ATP8A2: variants seen among roughly 807,000 people sequenced by gnomAD.
ATP8A2 encodes ATPase phospholipid transporting 8A2.
ATP8A2 carries 100 observed loss-of-function variants against 165.6 expected under a neutral mutation model. The ratio of observed to expected loss-of-function variants is 0.60; its 90% CI spans 0.51 to 0.71. The LOEUF (loss-of-function observed/expected upper bound fraction) is 0.71, where lower values mean the gene tolerates loss of function less well. ATP8A2 is among the 30% of genes least tolerant of loss of function. The probability of loss-of-function intolerance (pLI) is 0.00; values close to 1 mark genes in which losing one functional copy is unlikely to be tolerated. For missense variants in ATP8A2, 1,227 were observed against 1,479.5 expected (o/e 0.83, Z 2.80); for synonymous variants, 543 against 548.8 (o/e 0.99, Z 0.15).
At chr13:25,683,317 C>T (rs1209345023) in intron 24 of ATP8A2, among the ~76,000 whole-genome samples, 1 of 152,134 alleles carries the variant, frequency 6.6e-6, no homozygotes, top group African/African-American at 2.4e-5. Context: ...CACCACTGTC[C>T]CTGTGGACTG....
chr13:25,655,963 G>A (rs1199132282), intron 24 of ATP8A2, among the ~76,000 whole-genome samples: 1 of 152,168 alleles, frequency 6.6e-6, no homozygotes, highest in Non-Finnish European at 1.5e-5. Flanking sequence ...AAATAAACAA[G>A]CTCGTCTTTC....
At chr13:25,839,126 C>T (rs1951696324) in intron 29 of ATP8A2, among the ~76,000 whole-genome samples, 1 of 152,206 alleles carries the variant, frequency 6.6e-6, no homozygotes, top group African/African-American at 2.4e-5. Context: ...CCATCTGCCC[C>T]GACACAGTTT....
At chr13:26,005,587 T>C (rs1956722105) in intron 35 of ATP8A2, among the ~76,000 whole-genome samples, 1 of 152,082 alleles carries the variant, frequency 6.6e-6, no homozygotes, top group Admixed American at 6.6e-5. Context: ...AGTTCCCTTC[T>C]TAAGATTGCT....
At chr13:25,801,551 G>A (rs561354272) in intron 27 of ATP8A2, among the ~76,000 whole-genome samples, 184 of 152,262 alleles carry the variant, frequency 1.2e-3, no homozygotes, top group African/African-American at 4.2e-3. Flanking sequence ...GATCAGAGAG[G>A]AACTGCTTCT....
In ATP8A2 at chr13:25,372,551, TG is replaced by T. The variant is rs2032450192; in HGVS notation, c.76+264del. Among the ~76,000 whole-genome samples the T allele has an allele frequency of 6.6e-6, 1 of 150,784 alleles. No individual in the cohort carries two copies. Among genetic ancestry groups the T allele is most frequent in the Non-Finnish European group, 1.5e-5 (1 of 67,436 alleles). On this transcript the variant is annotated intron_variant, in intron 1 of 36. Coordinates refer to ENST00000381655, the MANE Select transcript of ATP8A2 (RefSeq NM_016529.6). This position sits in a 1 kb window ranked among gnomAD's most constrained non-coding sequence, Gnocchi z 4.8. ...GACCCCCGGCTCGTCCCTGTACAGA[TG>T]TGTGTGTGTGTGTGCGGCCTCCCTG...
intron 25 of ATP8A2, among the ~76,000 whole-genome samples, chr13:25,725,780 G>T (rs180786771): frequency 5.8e-4 from 89 of 152,206 alleles, no homozygotes; most frequent in Admixed American, 1.6e-3. Flanking sequence ...TTGTCTTATA[G>T]ATCAATCTTG....
At chr13:25,832,162 T>C (rs1345764018) in intron 28 of ATP8A2, among the ~76,000 whole-genome samples, 2 of 152,084 alleles carry the variant, frequency 1.3e-5, no homozygotes, top group Non-Finnish European at 2.9e-5. Context: ...GGTCTTGAAC[T>C]CCTGACCTCA....
chr13:25,513,705 G>C (rs2037359579), intron 2 of ATP8A2, among the ~76,000 whole-genome samples: 1 of 152,142 alleles, frequency 6.6e-6, no homozygotes, highest in African/African-American at 2.4e-5. Context: ...CTGCAATCCC[G>C]GCACCTCGGG....
chr13:25,740,693 T>C (rs2043892987), intron 25 of ATP8A2, among the ~76,000 whole-genome samples: 1 of 152,210 alleles, frequency 6.6e-6, no homozygotes, highest in African/African-American at 2.4e-5. Context: ...AGATTTGGCA[T>C]GAAAGATAAT....
At chr13:25,768,058 T>C (rs1299003925) in intron 25 of ATP8A2, among the ~76,000 whole-genome samples, 1 of 115,244 alleles carries the variant, frequency 8.7e-6, no homozygotes, top group Non-Finnish European at 1.7e-5. Context: ...TTGTGTTTAT[T>C]CTGTGTGTGT....
At chr13:25,414,371 TA>T (rs2034072321) in intron 1 of ATP8A2, among the ~76,000 whole-genome samples, 1 of 152,086 alleles carries the variant, frequency 6.6e-6, no homozygotes, top group Non-Finnish European at 1.5e-5. Flanking sequence ...TTTGTATTTT[TA>T]GTAGAGATAG....
intron 6 of ATP8A2, among the ~76,000 whole-genome samples, chr13:25,536,345 A>T (rs2038284728): frequency 6.6e-6 from 1 of 151,076 alleles, no homozygotes; most frequent in Non-Finnish European, 1.5e-5. Flanking sequence ...TAAACTCCTG[A>T]CCTCAAGTGA....
intron 1 of ATP8A2, among the ~76,000 whole-genome samples, chr13:25,438,649 A>C (rs2138188572): frequency 6.6e-6 from 1 of 152,330 alleles, no homozygotes. Context: ...TCCAAAAGAA[A>C]AGAAAAAAAA....
chr13:25,431,000 A>G (rs1300109310), intron 1 of ATP8A2, among the ~76,000 whole-genome samples: 3 of 151,780 alleles, frequency 2.0e-5, no homozygotes, highest in Non-Finnish European at 4.4e-5. Context: ...CCTAAAACAC[A>G]CACACACACA....
intron 13 of ATP8A2, among the ~76,000 whole-genome samples, chr13:25,555,608 A>G (rs1223764157): frequency 1.3e-5 from 2 of 151,400 alleles, no homozygotes; most frequent in African/African-American, 4.9e-5. Flanking sequence ...CTCTTTTTAA[A>G]TGTTTAATTT....
At chr13:25,688,033 T>C (rs2042639341) in intron 24 of ATP8A2, among the ~76,000 whole-genome samples, 1 of 152,010 alleles carries the variant, frequency 6.6e-6, no homozygotes, top group South Asian at 2.1e-4. Flanking sequence ...CACGAGACTG[T>C]GGCTCACCAT....
At chr13:26,013,253 T>A (rs548762034) in intron 36 of ATP8A2, among the ~76,000 whole-genome samples, 25 of 152,282 alleles carry the variant, frequency 1.6e-4, no homozygotes, top group African/African-American at 6.0e-4. Flanking sequence ...CCTGCCTCTC[T>A]GTGTCCTGCG....
chr13:25,716,330 G>A (rs2043254175), intron 25 of ATP8A2, among the ~76,000 whole-genome samples: 1 of 152,132 alleles, frequency 6.6e-6, no homozygotes, highest in South Asian at 2.1e-4. Context: ...AAATTTTGAT[G>A]AAGCCCAGTT....
chr13:25,687,997 G>A (rs1265408701), intron 24 of ATP8A2, among the ~76,000 whole-genome samples: 1 of 152,086 alleles, frequency 6.6e-6, no homozygotes, highest in Non-Finnish European at 1.5e-5. Context: ...GCCTGCCAGA[G>A]TCCCCACCCT....
Sources: allele counts gnomAD v4.1 joint callset (sites outside exome capture counted in the v4.1 genomes callset), GRCh38; gene constraint gnomAD v4.1.1; non-coding constraint Gnocchi (gnomAD v3.1); transcripts MANE v1.5; gene names NCBI Gene and HGNC (gene_info 2026-07-23, HGNC 2026-07-21).